The following LDLRAP1 variants were observed in gnomAD, a reference collection of about 807,000 sequenced individuals.
The protein encoded by LDLRAP1 is low density lipoprotein receptor adaptor protein 1, also known as low density lipoprotein receptor adapter protein 1.
A neutral mutation model predicts 37.8 loss-of-function variants in LDLRAP1; 30 were observed. The observed-to-expected ratio is 0.79, with a 90% CI of 0.59 to 1.08. The LOEUF is 1.08. Among genes scored for constraint, LDLRAP1 ranks in the 50% least tolerant of loss-of-function variants. The pLI is 0.00. For synonymous variants in LDLRAP1, 156 were observed against 169.8 expected (o/e 0.92, Z 0.63); for missense variants, 375 against 401.6 (o/e 0.93, Z 0.57).
At chr1:25,570,621 A>C (rs2044591436), downstream of LDLRAP1, among the ~76,000 whole-genome samples, 1 of 152,114 alleles carries the variant, frequency 6.6e-6, no homozygotes, top group African/African-American at 2.4e-5. Flanking sequence ...GCACTTTGGG[A>C]GGCCGAGGCA....
At position 25,555,046 on chromosome 1, in the gene LDLRAP1, G is replaced by T; in HGVS notation, c.344+74G>T. The T allele has an allele frequency of 9.2e-7, 1 of 1,082,760 alleles. No homozygotes were observed. Among genetic ancestry groups the T allele is most frequent in the Non-Finnish European group, 1.4e-6 (1 of 704,832 alleles). The allele number at this position is 1,082,760 out of a possible 1,614,324, so 67.1% of individuals were successfully genotyped here. A position where few individuals can be genotyped will look rare whatever the true frequency, so the allele number is the denominator to read the frequency against. On this transcript the variant is annotated intron_variant, in intron 3 of 8. Transcript: ENST00000374338. This position sits in a 1 kb window ranked among gnomAD's most constrained non-coding sequence, Gnocchi z 4.7. The stretch of plus-strand genomic sequence containing the variant: ...GGGTGGAGTATCCCATCTGAATCCA[G>T]GCTCTACCACTTCCTACCTGGGTGA...
the LDLRAP1 span, among the ~76,000 whole-genome samples, chr1:25,586,381 G>A: frequency 1.3e-5 from 2 of 152,108 alleles, no homozygotes; most frequent in African/African-American, 2.4e-5. The surrounding 1 kb of genome is among the most constrained non-coding windows in gnomAD (Gnocchi z 4.3). Flanking sequence ...ATTGTGCTGC[G>A]GCCGCATCTG....
chr1:25,557,427 G>A, intron 4 of LDLRAP1, 160 bp downstream of exon 4: 1 of 635,164 alleles, frequency 1.6e-6, no homozygotes, highest in South Asian at 1.9e-5. Context: ...GAGAGCTAAG[G>A]GGTACAGTGG....
chr1:25,563,747 G>A lies in LDLRAP1; in HGVS notation c.703G>A (p.Glu235Lys), dbSNP rs757653305. ...CAGCGCCAACACCACCAACATGGAC[G>A]AGGTGCCGCGGCCACAAGCCTTGAG... is the stretch of plus-strand genomic sequence containing the variant. Reference protein sequence around the residue: ...TVSANTTNMDEVPRPQALSGS... With the variant: ...TVSANTTNMDKVPRPQALSGS... The change falls in exon 7 of 9, where the codon GAG becomes AAG. Residue 235 changes from glutamate to lysine, a missense_variant. By Grantham distance (56) the Glu-to-Lys change is moderately conservative. Transcript: ENST00000374338. The A allele has an allele frequency of 5.6e-6, 9 of 1,614,000 alleles. No homozygotes were observed. The highest frequency in any genetic ancestry group is 1.7e-4 in the Middle Eastern group (1 of 6,060).
chr1:25,557,357 C>A, intron 4 of LDLRAP1, 90 bp downstream of exon 4: 1 of 992,234 alleles, frequency 1.0e-6, no homozygotes, highest in Non-Finnish European at 1.6e-6. Context: ...GGAGGCAGGA[C>A]CCAAAGGTGA....
At chr1:25,577,777 G>A in the LDLRAP1 span, among the ~76,000 whole-genome samples, 1 of 152,232 alleles carries the variant, frequency 6.6e-6, no homozygotes, top group African/African-American at 2.4e-5. Context: ...GACCTGGGCA[G>A]GTTATGCCAC....
At position 25,567,094 on chromosome 1, in the gene LDLRAP1, G is replaced by A. The variant is rs575354589; in HGVS notation, c.*102G>A. On this transcript the variant is annotated 3_prime_UTR_variant, in exon 9 of 9. Transcript: ENST00000374338. Reference sequence around the variant, plus strand: ...TGGGGCCCGCCTGCCACCTCTCCCAGCCCTCAGCATTGTCAGCCTGAAGAT... The same window carrying A: ...TGGGGCCCGCCTGCCACCTCTCCCAACCCTCAGCATTGTCAGCCTGAAGAT... 86 of 1,416,546 alleles carry A rather than the reference G, an allele frequency of 6.1e-5. No individual in the cohort carries two copies. The highest frequency in any genetic ancestry group is 1.3e-4 in the African/African-American group (9 of 71,140). 87.7% of individuals were successfully genotyped at this position (1,416,546 alleles called of 1,614,324 possible). A position where few individuals can be genotyped will look rare whatever the true frequency, so the allele number is the denominator to read the frequency against.
At chr1:25,571,552 A>T (rs577177284), downstream of LDLRAP1, among the ~76,000 whole-genome samples, 2 of 152,308 alleles carry the variant, frequency 1.3e-5, no homozygotes, top group Admixed American at 6.5e-5. Context: ...GCTTGCACGT[A>T]TTGTTAGCCC....
In LDLRAP1 at chr1:25,567,185, C is replaced by T. The variant is rs2044506716; in HGVS notation, c.*193C>T. On this transcript the variant is annotated 3_prime_UTR_variant, in exon 9 of 9. Coordinates refer to ENST00000374338, the MANE Select transcript of LDLRAP1 (RefSeq NM_015627.3). ...TAAGCCCTGCTCTTTCTCTGAGAAC[C>T]AAAAGATGCCTTGAATATTTATTCA... is the stretch of plus-strand genomic sequence containing the variant. The T allele has an allele frequency of 3.0e-6, 2 of 659,334 alleles. No homozygotes were observed. Among genetic ancestry groups the T allele is most frequent in the Non-Finnish European group, 5.3e-6 (2 of 377,046 alleles). 40.8% of individuals were successfully genotyped at this position (659,334 alleles called of 1,614,324 possible).
chr1:25,570,661 C>A (rs1017493533), downstream of LDLRAP1, among the ~76,000 whole-genome samples: 3 of 152,140 alleles, frequency 2.0e-5, no homozygotes, highest in Non-Finnish European at 4.4e-5. Context: ...AGATCGAGAC[C>A]ATCCTGGCTA....
chr1:25,546,901 C>T (rs1160146818), intron 1 of LDLRAP1, among the ~76,000 whole-genome samples: 8 of 152,012 alleles, frequency 5.3e-5, no homozygotes, highest in Non-Finnish European at 1.2e-4. Flanking sequence ...ACAATTCTTC[C>T]AGTGTGGCCC....
intron 1 of LDLRAP1, among the ~76,000 whole-genome samples, chr1:25,549,412 C>T (rs2044016406): frequency 1.3e-5 from 2 of 152,220 alleles, no homozygotes; most frequent in Non-Finnish European, 2.9e-5. Flanking sequence ...CAGGCAGGGT[C>T]TCTGGGAGCA....
intron 3 of LDLRAP1, 78 bp from the exon 4 acceptor site, chr1:25,557,075 G>C: frequency 9.6e-7 from 1 of 1,038,950 alleles, no homozygotes; most frequent in South Asian, 1.3e-5. Flanking sequence ...GCAACTCAGG[G>C]GAGCTGCCCT....
At chr1:25,572,670 C>T (rs998712452), downstream of LDLRAP1, among the ~76,000 whole-genome samples, 9 of 152,122 alleles carry the variant, frequency 5.9e-5, no homozygotes, top group Admixed American at 6.5e-5. Context: ...TATTTTCCAC[C>T]GACTCCATGC....
rs1049626491 is a variant in LDLRAP1, at chr1:25,543,673, AGCG to A, written c.-14_-12del. The A allele has an allele frequency of 3.9e-5, 47 of 1,207,624 alleles. No individual in the cohort carries two copies. Among genetic ancestry groups the A allele is most frequent in the Non-Finnish European group, 4.1e-5 (40 of 971,518 alleles). The allele number at this position is 1,207,624 out of a possible 1,614,324, so 74.8% of individuals were successfully genotyped here. On this transcript the variant is annotated 5_prime_UTR_variant, in exon 1 of 9. Coordinates refer to ENST00000374338, the MANE Select transcript of LDLRAP1 (RefSeq NM_015627.3). ...TTCCTGACGGAGTTTTGGCTGCGGC[AGCG>A]GCGGCGGCGGCCGGAGCGGGCCATG... is the stretch of plus-strand genomic sequence containing the variant.
chr1:25,587,741 C>T, the LDLRAP1 span, among the ~76,000 whole-genome samples: 3 of 152,100 alleles, frequency 2.0e-5, no homozygotes, highest in African/African-American at 7.2e-5. Flanking sequence ...GAACTGCTAT[C>T]CACGGTGGGA....
At chr1:25,553,181 C>T (rs963264866) in intron 1 of LDLRAP1, among the ~76,000 whole-genome samples, 18 of 152,172 alleles carry the variant, frequency 1.2e-4, no homozygotes, top group African/African-American at 4.1e-4. Flanking sequence ...GGTTGAAGTC[C>T]GACTCATTGT....
chr1:25,564,603 C>T (rs922194482), intron 7 of LDLRAP1: 5 of 155,626 alleles, frequency 3.2e-5, no homozygotes, highest in African/African-American at 1.2e-4. Context: ...CGAGCCTGTT[C>T]TCTGCTGTTT....
At position 25,554,022 on chromosome 1, in the gene LDLRAP1, T is replaced by C. The variant is rs1572033917; in HGVS notation, c.189T>C (p.Gly63=). The C allele has an allele frequency of 6.2e-7, 1 of 1,613,838 alleles. No homozygotes were observed. Among genetic ancestry groups the C allele is most frequent in the Non-Finnish European group, 8.5e-7 (1 of 1,179,964 alleles). ...LGMTLVEQPK[G]EELSAAAIKR... is the part of the protein sequence containing the mutation. ...TGACGCTAGTGGAGCAGCCCAAGGG[T>C]GAGGAGCTGTCGGCCGCCGCCATCA... Residue 63 remains glycine (G), a synonymous_variant, in exon 2 of 9, where the codon GGT becomes GGC. Transcript: ENST00000374338. This position sits in a 1 kb window ranked among gnomAD's most constrained non-coding sequence, Gnocchi z 5.4.
Sources: allele counts gnomAD v4.1 joint callset (sites outside exome capture counted in the v4.1 genomes callset), GRCh38; gene constraint gnomAD v4.1.1; non-coding constraint Gnocchi (gnomAD v3.1); transcripts MANE v1.5; gene names NCBI Gene and HGNC (gene_info 2026-07-23, HGNC 2026-07-21).